Variants in ADGRL2 observed in about 807,000 individuals in gnomAD.
ADGRL2 encodes the protein adhesion G protein-coupled receptor L2, also known as calcium-independent alpha-latrotoxin receptor 2.
ADGRL2 carries 44 observed loss-of-function variants against 157.4 expected under a neutral mutation model. The ratio of observed to expected loss-of-function variants is 0.28; its 90% CI spans 0.22 to 0.36. The LOEUF is 0.36. Among genes scored for constraint, ADGRL2 ranks in the 10% least tolerant of loss-of-function variants. The pLI is 1.00. For synonymous variants in ADGRL2, 585 were observed against 624.7 expected (o/e 0.94, Z 0.95); for missense variants, 1,510 against 1,768.9 (o/e 0.85, Z 2.63).
At chr1:81,622,177 T>C (rs996527524) in intron 3 of ADGRL2, among the ~76,000 whole-genome samples, 3 of 152,216 alleles carry the variant, frequency 2.0e-5, no homozygotes, top group African/African-American at 7.2e-5. Context: ...ATAATGGAGA[T>C]GACTCATCCA....
intron 1 of ADGRL2, among the ~76,000 whole-genome samples, chr1:81,743,773 A>G (rs2085154682): frequency 6.6e-6 from 1 of 152,052 alleles, no homozygotes; most frequent in Admixed American, 6.6e-5. Flanking sequence ...TGTGGTGATG[A>G]GTGGATCTTA....
chr1:81,405,564 C>G (rs113663273), intron 1 of ADGRL2, among the ~76,000 whole-genome samples: 14,500 of 149,772 alleles, frequency 0.097, 819 homozygotes, highest in East Asian at 0.21. Flanking sequence ...GTGGGAGGAT[C>G]ACCTGAGCCT....
intron 2 of ADGRL2, among the ~76,000 whole-genome samples, chr1:81,874,429 G>T (rs2093775570): frequency 6.6e-6 from 1 of 152,130 alleles, no homozygotes; most frequent in South Asian, 2.1e-4. Context: ...GATTATGAAG[G>T]TAACTAGAGG....
At chr1:81,398,327 A>G (rs1418019812) in intron 1 of ADGRL2, among the ~76,000 whole-genome samples, 1 of 152,060 alleles carries the variant, frequency 6.6e-6, no homozygotes, top group Non-Finnish European at 1.5e-5. Context: ...ATAGGTGAGG[A>G]CTTACTCCTG....
At chr1:81,632,540 T>G (rs1290810818) in intron 3 of ADGRL2, among the ~76,000 whole-genome samples, 1 of 151,864 alleles carries the variant, frequency 6.6e-6, no homozygotes, top group East Asian at 1.9e-4. Flanking sequence ...GGGCAGATCA[T>G]GAGGTCAGGA....
intron 2 of ADGRL2, among the ~76,000 whole-genome samples, chr1:81,530,222 C>T (rs955521847): frequency 1.3e-5 from 2 of 152,206 alleles, no homozygotes; most frequent in African/African-American, 4.8e-5. Flanking sequence ...TCAGCTTTAT[C>T]TTCATACCAG....
intron 2 of ADGRL2, among the ~76,000 whole-genome samples, chr1:81,872,567 C>G (rs2093726482): frequency 6.6e-6 from 1 of 152,042 alleles, no homozygotes; most frequent in Admixed American, 6.6e-5. Flanking sequence ...TCTCTGATAA[C>G]CAGAGAGAGA....
At chr1:81,361,866 A>T (rs1041699168) in intron 1 of ADGRL2, among the ~76,000 whole-genome samples, 5 of 151,672 alleles carry the variant, frequency 3.3e-5, no homozygotes, top group Non-Finnish European at 7.4e-5. Flanking sequence ...ACCCCATGAA[A>T]CCTCATAGCT....
At chr1:81,885,749 C>T (rs75945697) in intron 2 of ADGRL2, among the ~76,000 whole-genome samples, 8 of 152,056 alleles carry the variant, frequency 5.3e-5, no homozygotes, top group Admixed American at 2.6e-4. Flanking sequence ...GGATTCATTG[C>T]GATTTATTAT....
chr1:81,535,086 A>C (rs1338924673), intron 2 of ADGRL2, among the ~76,000 whole-genome samples: 1 of 152,144 alleles, frequency 6.6e-6, no homozygotes, highest in African/African-American at 2.4e-5. Flanking sequence ...AATAGCTGCT[A>C]CTGAGCTGTT....
At chr1:81,415,120 A>G (rs1225178729) in intron 1 of ADGRL2, among the ~76,000 whole-genome samples, 7 of 152,250 alleles carry the variant, frequency 4.6e-5, no homozygotes, top group African/African-American at 1.7e-4. Context: ...CCTTATTTCA[A>G]CTGCACCAGA....
At chr1:81,552,063 G>A (rs1345290432) in intron 2 of ADGRL2, among the ~76,000 whole-genome samples, 1 of 152,082 alleles carries the variant, frequency 6.6e-6, no homozygotes, top group African/African-American at 2.4e-5. Flanking sequence ...AAATGTTTAT[G>A]TAAAAATTGA....
At chr1:81,316,999 C>A (rs1660151266) in intron 1 of ADGRL2, among the ~76,000 whole-genome samples, 1 of 152,126 alleles carries the variant, frequency 6.6e-6, no homozygotes, top group Admixed American at 6.6e-5. Flanking sequence ...GTGTCCAATG[C>A]TATCTGTCTG....
intron 1 of ADGRL2, among the ~76,000 whole-genome samples, chr1:81,390,452 GA>G (rs1186396413): frequency 5.9e-5 from 9 of 152,292 alleles, no homozygotes; most frequent in African/African-American, 2.2e-4. Flanking sequence ...TATGGATAGA[GA>G]AAGAGATGTA....
chr1:81,812,810 A>G (rs914897784), intron 1 of ADGRL2, among the ~76,000 whole-genome samples: 1 of 151,766 alleles, frequency 6.6e-6, no homozygotes, highest in Non-Finnish European at 1.5e-5. Context: ...ACATGAGTTC[A>G]ATGACATTAA....
In ADGRL2 at chr1:81,943,188, G is replaced by A; in HGVS notation, c.629G>A (p.Arg210Gln). ...RQTTTYKLPN[R>Q]VDGTGFVVYD... ...ACAACAACATATAAACTTCCAAATC[G>A]AGTAGATGGTACTGGATTTGTGGTG... Residue 210 changes from arginine to glutamine, a missense_variant, in exon 6 of 24, where the codon CGA becomes CAA. Arg to Gln is a conservative substitution (Grantham distance 43). Coordinates refer to ENST00000686636, the MANE Select transcript of ADGRL2 (RefSeq NM_001366006.2). The surrounding 1 kb of genome is among the most constrained non-coding windows in gnomAD (Gnocchi z 5.6). 1.2e-6 allele frequency: 2 copies of A among 1,612,956 alleles called. No homozygotes were observed. The highest frequency in any genetic ancestry group is 1.7e-6 in the Non-Finnish European group (2 of 1,179,186).
chr1:81,832,719 GC>G (rs2150121828), intron 1 of ADGRL2, among the ~76,000 whole-genome samples: 1 of 152,312 alleles, frequency 6.6e-6, no homozygotes, highest in African/African-American at 2.4e-5. Flanking sequence ...AGCATTGCCA[GC>G]CCCAGCCCTA....
At chr1:81,581,096 A>G (rs1157669932) in intron 3 of ADGRL2, 2 of 152,244 alleles carry the variant, frequency 1.3e-5, no homozygotes, top group Non-Finnish European at 2.9e-5. Flanking sequence ...GAAAAAGAGA[A>G]CACACAAGTG....
intron 2 of ADGRL2, among the ~76,000 whole-genome samples, chr1:81,478,226 G>A (rs890815055): frequency 4.6e-5 from 7 of 152,144 alleles, no homozygotes; most frequent in African/African-American, 9.7e-5. Flanking sequence ...TGGGAACATC[G>A]GAGAGGTGAG....
Sources: gnomAD v4.1 joint callset for allele counts (sites outside exome capture counted in the v4.1 genomes callset) on GRCh38, gnomAD v4.1.1 for gene constraint, Gnocchi (gnomAD v3.1) non-coding constraint, MANE v1.5 for transcripts, NCBI Gene and HGNC (gene_info 2026-07-23, HGNC 2026-07-21) for gene names.